NRXN3: variants seen among roughly 807,000 people sequenced by gnomAD.
NRXN3 encodes neurexin 3.
In NRXN3, 32 loss-of-function variants were observed where a neutral mutation model predicts 137.6. The observed-to-expected ratio is 0.23, with a 90% CI of 0.18 to 0.31. NRXN3 has a LOEUF of 0.31. Ranked by LOEUF, NRXN3 falls within the 10% of genes least tolerant of loss-of-function variation. The pLI, the probability that NRXN3 is intolerant of heterozygous loss-of-function variation, is 1.00. For synonymous variants in NRXN3, 798 were observed against 784.5 expected, an observed-to-expected ratio of 1.02 and a Z score of -0.29; for missense variants, 1,574 against 2,062.5, an observed-to-expected ratio of 0.76 and a Z score of 4.59.
intron 1 of NRXN3, among the ~76,000 whole-genome samples, chr14:78,195,866 C>T (rs1207678595): frequency 2.6e-5 from 4 of 152,224 alleles, no homozygotes; most frequent in Non-Finnish European, 4.4e-5. Context: ...TAACCAAGTG[C>T]TTTTCCTGCA....
At chr14:79,134,611 T>G (rs1331745230) in intron 15 of NRXN3, among the ~76,000 whole-genome samples, 1 of 152,142 alleles carries the variant, frequency 6.6e-6, no homozygotes, top group East Asian at 1.9e-4. Context: ...CTTTAGAAAA[T>G]CAGCAGCGAC....
intron 19 of NRXN3, among the ~76,000 whole-genome samples, chr14:79,780,570 C>A (rs2099110563): frequency 6.6e-6 from 1 of 152,106 alleles, no homozygotes; most frequent in African/African-American, 2.4e-5. Flanking sequence ...GACTGCGCCA[C>A]TGCACTCCAG....
chr14:79,181,487 A>C (rs563711138), intron 15 of NRXN3, among the ~76,000 whole-genome samples: 1 of 152,178 alleles, frequency 6.6e-6, no homozygotes, highest in Non-Finnish European at 1.5e-5. Context: ...GTTCAAGACA[A>C]GCCTGGCCAA....
At chr14:79,812,749 C>T (rs1020834375) in intron 20 of NRXN3, among the ~76,000 whole-genome samples, 4 of 152,038 alleles carry the variant, frequency 2.6e-5, no homozygotes, top group Admixed American at 6.6e-5. Flanking sequence ...AAGGCCACAC[C>T]GTTTTTAGGT....
intron 3 of NRXN3, among the ~76,000 whole-genome samples, chr14:78,280,709 C>A (rs2074292629): frequency 6.6e-6 from 1 of 152,160 alleles, no homozygotes; most frequent in East Asian, 1.9e-4. Context: ...AGTGCTCACA[C>A]AGGCGCCATA....
chr14:79,698,151 T>C (rs185002786), intron 19 of NRXN3, among the ~76,000 whole-genome samples: 2 of 152,150 alleles, frequency 1.3e-5, no homozygotes, highest in East Asian at 3.9e-4. Flanking sequence ...GTTATTCTTA[T>C]TGTATTTATC....
chr14:78,522,140 A>G (rs2096292616), intron 4 of NRXN3, among the ~76,000 whole-genome samples: 1 of 152,200 alleles, frequency 6.6e-6, no homozygotes, highest in Admixed American at 6.5e-5. Flanking sequence ...GGTATGTTCA[A>G]AGCAGAGGAT....
chr14:79,751,877 T>C (rs1165474259), intron 19 of NRXN3, among the ~76,000 whole-genome samples: 1 of 152,058 alleles, frequency 6.6e-6, no homozygotes, highest in East Asian at 1.9e-4. Context: ...ATTACATTGA[T>C]TGATTTGCAT....
chr14:78,614,579 C>T (rs1482316041), intron 4 of NRXN3, among the ~76,000 whole-genome samples: 1 of 151,816 alleles, frequency 6.6e-6, no homozygotes, highest in Non-Finnish European at 1.5e-5. Context: ...ACATTTGAGA[C>T]CTGTGGGCTC....
At chr14:78,950,147 A>T (rs1231581480) in intron 10 of NRXN3, among the ~76,000 whole-genome samples, 2 of 152,182 alleles carry the variant, frequency 1.3e-5, no homozygotes, top group Admixed American at 1.3e-4. Flanking sequence ...AAGTTTTTTT[A>T]AAAACAAGAG....
intron 14 of NRXN3, among the ~76,000 whole-genome samples, chr14:78,979,105 A>G (rs2099481258): frequency 6.6e-6 from 1 of 152,066 alleles, no homozygotes. Flanking sequence ...GATGATGCCT[A>G]CTCACACTGG....
intron 1 of NRXN3, among the ~76,000 whole-genome samples, chr14:78,235,234 T>A (rs2066120484): frequency 6.6e-6 from 1 of 151,650 alleles, no homozygotes; most frequent in Admixed American, 6.6e-5. Context: ...TCTCTTGGAG[T>A]CCCTTCAGCC....
At chr14:79,006,572 C>CT (rs138018007) in intron 15 of NRXN3, among the ~76,000 whole-genome samples, 19 of 151,046 alleles carry the variant, frequency 1.3e-4, no homozygotes, top group South Asian at 4.2e-4. Context: ...ATAGCCTTAG[C>CT]TTTTTTTTTG....
chr14:78,642,497 A>G (rs1328281939), intron 4 of NRXN3, among the ~76,000 whole-genome samples: 1 of 152,192 alleles, frequency 6.6e-6, no homozygotes, highest in Non-Finnish European at 1.5e-5. Context: ...TATAGGCACT[A>G]CTTTCCTTGC....
At chr14:79,288,236 T>G (rs145301298) in intron 15 of NRXN3, among the ~76,000 whole-genome samples, 69 of 152,356 alleles carry the variant, frequency 4.5e-4, no homozygotes, top group African/African-American at 1.5e-3. Flanking sequence ...GCAGTCACGC[T>G]GAGATGGGAA....
chr14:79,005,263 C>G (rs1010431419), intron 15 of NRXN3, among the ~76,000 whole-genome samples: 1 of 152,224 alleles, frequency 6.6e-6, no homozygotes, highest in Non-Finnish European at 1.5e-5. Context: ...CATTCCCTTG[C>G]TCGGTTTCTT....
chr14:78,555,723 A>G (rs2096731224), intron 4 of NRXN3, among the ~76,000 whole-genome samples: 1 of 152,206 alleles, frequency 6.6e-6, no homozygotes, highest in Non-Finnish European at 1.5e-5. Flanking sequence ...CTAAAATAGA[A>G]ACTCAAAATG....
At chr14:79,176,723 C>T (rs984388773) in intron 15 of NRXN3, among the ~76,000 whole-genome samples, 6 of 152,210 alleles carry the variant, frequency 3.9e-5, no homozygotes, top group African/African-American at 1.4e-4. Context: ...TTACTGCCCT[C>T]ATAATATCAT....
intron 15 of NRXN3, among the ~76,000 whole-genome samples, chr14:79,080,785 C>T (rs773053074): frequency 2.6e-5 from 4 of 152,282 alleles, no homozygotes; most frequent in Non-Finnish European, 4.4e-5. Context: ...CCTACTTCTC[C>T]GTGCGCTTGC....
Sources: allele counts gnomAD v4.1 joint callset (sites outside exome capture counted in the v4.1 genomes callset), GRCh38; gene constraint gnomAD v4.1.1; transcripts MANE v1.5; gene names NCBI Gene and HGNC (gene_info 2026-07-23, HGNC 2026-07-21).